The following NDUFS4 variants were observed in gnomAD, a reference collection of about 807,000 sequenced individuals.
NDUFS4 encodes NADH:ubiquinone oxidoreductase subunit S4, also known as NADH dehydrogenase [ubiquinone] iron-sulfur protein 4, mitochondrial.
Under a neutral mutation model 24.3 loss-of-function variants are expected in NDUFS4, and 28 were observed. The ratio of observed to expected loss-of-function variants is 1.15; its 90% CI spans 0.85 to 1.58. The LOEUF is 1.58. Among genes scored for constraint, NDUFS4 ranks in the 40% most tolerant of loss-of-function variants. NDUFS4 has a pLI of 0.00. For missense variants in NDUFS4, 223 were observed against 207.9 expected, an observed-to-expected ratio of 1.07 and a Z score of -0.45; for synonymous variants, 93 against 69.7, an observed-to-expected ratio of 1.34 and a Z score of -1.67.
chr5:53,561,424 C>T (rs1253080194), intron 1 of NDUFS4, among the ~76,000 whole-genome samples: 1 of 151,802 alleles, frequency 6.6e-6, no homozygotes. Context: ...TCCTTGAGAA[C>T]CTAAAGTAGT....
chr5:53,594,817 A>AT (rs1380480924), intron 1 of NDUFS4, among the ~76,000 whole-genome samples: 2 of 151,384 alleles, frequency 1.3e-5, no homozygotes, highest in African/African-American at 4.9e-5. Flanking sequence ...TTATCTCAGT[A>AT]TTTTTTTACA....
intron 2 of NDUFS4, among the ~76,000 whole-genome samples, chr5:53,638,637 CA>C (rs1230954481): frequency 6.6e-6 from 1 of 151,964 alleles, no homozygotes; most frequent in Non-Finnish European, 1.5e-5. Flanking sequence ...AATTGTCCAC[CA>C]GACTCCCATG....
intron 2 of NDUFS4, among the ~76,000 whole-genome samples, chr5:53,604,066 A>T (rs1750420109): frequency 6.6e-6 from 1 of 152,206 alleles, no homozygotes. Context: ...ATGTTTTGTG[A>T]ATCAGTAACA....
intron 3 of NDUFS4, among the ~76,000 whole-genome samples, chr5:53,657,991 A>G (rs185503855): frequency 6.6e-6 from 1 of 152,152 alleles, no homozygotes; most frequent in East Asian, 1.9e-4. Context: ...GAGCCTATGT[A>G]GATTTGTAAA....
intron 1 of NDUFS4, among the ~76,000 whole-genome samples, chr5:53,591,190 A>G (rs1396343981): frequency 6.6e-6 from 1 of 152,150 alleles, no homozygotes; most frequent in Non-Finnish European, 1.5e-5. Flanking sequence ...AGTGGACAGT[A>G]GGGTTGCTTC....
intron 1 of NDUFS4, among the ~76,000 whole-genome samples, chr5:53,570,205 A>G (rs1254239266): frequency 6.6e-6 from 1 of 152,196 alleles, no homozygotes; most frequent in African/African-American, 2.4e-5. Context: ...GACCGCTGTA[A>G]TCCCTGTCCA....
chr5:53,563,656 C>T (rs558716071), intron 1 of NDUFS4, among the ~76,000 whole-genome samples: 4 of 152,210 alleles, frequency 2.6e-5, no homozygotes, highest in East Asian at 3.9e-4. Flanking sequence ...TGCCCACCAC[C>T]TCGCCCAGCT....
intron 1 of NDUFS4, among the ~76,000 whole-genome samples, chr5:53,595,139 G>A (rs1477985438): frequency 2.6e-5 from 4 of 152,048 alleles, no homozygotes; most frequent in African/African-American, 9.7e-5. Context: ...GTATATGTCT[G>A]TGCCTGGGCA....
chr5:53,630,570 G>A (rs943119874), intron 2 of NDUFS4, among the ~76,000 whole-genome samples: 2 of 152,000 alleles, frequency 1.3e-5, no homozygotes, highest in African/African-American at 4.8e-5. Context: ...TGGAGGCTTT[G>A]TTCATTTCTT....
intron 2 of NDUFS4, among the ~76,000 whole-genome samples, chr5:53,625,605 A>G (rs1045619047): frequency 2.0e-5 from 3 of 151,936 alleles, no homozygotes; most frequent in Non-Finnish European, 2.9e-5. Context: ...AAATTTACTG[A>G]TCTTTTCTTC....
intron 2 of NDUFS4, among the ~76,000 whole-genome samples, chr5:53,606,230 AAAG>A (rs1750499712): frequency 6.6e-6 from 1 of 152,126 alleles, no homozygotes; most frequent in African/African-American, 2.4e-5. Flanking sequence ...TTTATAAAGA[AAAG>A]AAGTTTAATT....
At chr5:53,630,445 G>C (rs1048869732) in intron 2 of NDUFS4, among the ~76,000 whole-genome samples, 1 of 152,094 alleles carries the variant, frequency 6.6e-6, no homozygotes, top group South Asian at 2.1e-4. Flanking sequence ...GGTTGGGGAA[G>C]TTCTCCTGGA....
At chr5:53,603,931 A>T (rs1750414209) in intron 2 of NDUFS4, among the ~76,000 whole-genome samples, 1 of 152,174 alleles carries the variant, frequency 6.6e-6, no homozygotes, top group South Asian at 2.1e-4. Flanking sequence ...ATTTATTATC[A>T]CTATATGTAT....
At chr5:53,615,149 T>C (rs1228511361) in intron 2 of NDUFS4, among the ~76,000 whole-genome samples, 1 of 151,928 alleles carries the variant, frequency 6.6e-6, no homozygotes, top group Non-Finnish European at 1.5e-5. Flanking sequence ...TGTTTTGGTC[T>C]TTTTGGTAGT....
intron 1 of NDUFS4, among the ~76,000 whole-genome samples, chr5:53,584,400 G>A (rs1749673700): frequency 6.6e-6 from 1 of 152,034 alleles, no homozygotes; most frequent in South Asian, 2.1e-4. Flanking sequence ...TTATCACCCA[G>A]GCTGGAGTGC....
intron 4 of NDUFS4, among the ~76,000 whole-genome samples, chr5:53,665,526 C>T (rs1333941693): frequency 1.3e-5 from 2 of 152,202 alleles, no homozygotes; most frequent in Non-Finnish European, 2.9e-5. Context: ...TTGGCAATGG[C>T]GGACGCCCCT....
Position 53,619,519 on chromosome 5 carries a change from A to G in NDUFS4, c.177+15989A>G, listed in dbSNP as rs1332906323. On this transcript the variant is annotated intron_variant, in intron 2 of 4. Coordinates refer to ENST00000296684, the MANE Select transcript of NDUFS4 (RefSeq NM_002495.4). ...AAAAAAAAAAAAAAACACATTATAC[A>G]TCATAAATATATCAAATTTTACTAC... Among the ~76,000 whole-genome samples the G allele has an allele frequency of 2.0e-5, 3 of 150,760 alleles. 1 individual carries two copies. The highest frequency in any genetic ancestry group is 1.3e-4 in the Admixed American group (2 of 15,122).
chr5:53,605,484 T>C lies in NDUFS4; in HGVS notation c.177+1954T>C, dbSNP rs140241712. ...GCCCTAAACAGAGTGCTATGAAGCA[T>C]ACAAGAGAGGTAGACAGACTGGATT... is the stretch of plus-strand genomic sequence containing the variant. On this transcript the variant is annotated intron_variant, in intron 2 of 4. Transcript: ENST00000296684. Among the ~76,000 whole-genome samples the C allele has an allele frequency of 1.6e-3, 249 of 152,338 alleles. 1 individual carries two copies. Among genetic ancestry groups the C allele is most frequent in the African/African-American group, 5.5e-3 (228 of 41,580 alleles).
At chr5:53,668,553 G>C (rs924061825) in intron 4 of NDUFS4, among the ~76,000 whole-genome samples, 3 of 151,886 alleles carry the variant, frequency 2.0e-5, no homozygotes, top group African/African-American at 7.2e-5. Flanking sequence ...CCACCTCCCA[G>C]GTTCAAGCGA....
Sources: gnomAD v4.1 joint callset for allele counts (sites outside exome capture counted in the v4.1 genomes callset) on GRCh38, gnomAD v4.1.1 for gene constraint, MANE v1.5 for transcripts, NCBI Gene and HGNC (gene_info 2026-07-23, HGNC 2026-07-21) for gene names.